FGD1: variants seen among roughly 807,000 people sequenced by gnomAD.
FGD1 encodes FYVE, RhoGEF and PH domain-containing protein 1.
FGD1 carries 12 observed loss-of-function variants against 65.0 expected under a neutral mutation model. The observed-to-expected ratio is 0.18, with a 90% CI of 0.12 to 0.30. The LOEUF is 0.30. Ranked by LOEUF, FGD1 falls within the 10% of genes least tolerant of loss-of-function variation. The pLI, the probability that FGD1 is intolerant of heterozygous loss-of-function variation, is 1.00. For synonymous variants in FGD1, 333 were observed against 343.9 expected, an observed-to-expected ratio of 0.97 and a Z score of 0.35; for missense variants, 542 against 837.6, an observed-to-expected ratio of 0.65 and a Z score of 4.36.
intron 1 of FGD1, among the ~76,000 whole-genome samples, chrX:54,494,117 T>G (rs1330859129): frequency 8.9e-6 from 1 of 112,720 alleles, no homozygotes; most frequent in Non-Finnish European, 1.9e-5. Context: ...CAGCCTGACT[T>G]AAAGCTGCTC....
In FGD1 at chrX:54,465,501, T is replaced by C; in HGVS notation, c.1586A>G (p.Asp529Gly). 1 of 1,210,596 alleles carries C rather than the reference T, an allele frequency of 8.3e-7. No individual in the cohort carries two copies. Among genetic ancestry groups the C allele is most frequent in the Non-Finnish European group, 1.1e-6 (1 of 895,140 alleles). Residue 529 changes from aspartate (D) to glycine (G), a missense_variant, in exon 8 of 18, where the codon GAC becomes GGC. Asp to Gly is a moderately conservative substitution (Grantham distance 94, BLOSUM62 -1). This residue lies in a region of FGD1 where 41 missense variants were observed against 109.5 expected (regional missense o/e 0.37). Transcript: ENST00000375135. ...RIPRYELLLK[D>G]YLLKLPHGSP... ...GCCATGGGGCAGCTTTAACAGATAG[T>C]CCTTGAGAAGAAGCTCATAGCGGGG...
Position 54,470,754 on chromosome X carries a change from G to T in FGD1, c.488C>A (p.Pro163Gln). The T allele has an allele frequency of 9.2e-7, 1 of 1,086,992 alleles. No individual in the cohort carries two copies. The highest frequency in any genetic ancestry group is 1.2e-6 in the Non-Finnish European group (1 of 803,205). The allele number at this position is 1,086,992 out of a possible 1,213,427, so 89.6% of individuals were successfully genotyped here. A position where few individuals can be genotyped will look rare whatever the true frequency, so the allele number is the denominator to read the frequency against. ...GGGCATCTGCAGGTAGCTGGGCTTT[G>T]GGGGCACTGGAGAGACGAATGGGGA... ...RAPGPKPQVP[P>Q]KPSYLQMPRM... The change falls in exon 3 of 18, where the codon CCA becomes CAA. Residue 163 changes from proline (P) to glutamine (Q), a missense_variant. Physicochemically the swap from Pro to Gln is moderately conservative, Grantham distance 76. Transcript: ENST00000375135.
chrX:54,478,043 G>A (rs1001180519), intron 1 of FGD1, among the ~76,000 whole-genome samples: 9 of 111,003 alleles, frequency 8.1e-5, no homozygotes, highest in African/African-American at 2.3e-4. Flanking sequence ...GCTTGAACCC[G>A]GGAGGCGGAG....
chrX:54,446,617 TC>T (rs775973370), intron 17 of FGD1, among the ~76,000 whole-genome samples: 78 of 107,686 alleles, frequency 7.2e-4, no homozygotes, highest in Middle Eastern at 4.9e-3. Context: ...AATACCTGTC[TC>T]CCCCCACCCC....
chrX:54,449,181 T>C lies in FGD1; in HGVS notation c.2236A>G (p.Ile746Val). 1 of 1,212,006 alleles carries C rather than the reference T, an allele frequency of 8.3e-7. No individual in the cohort carries two copies. Among genetic ancestry groups the C allele is most frequent in the Non-Finnish European group, 1.1e-6 (1 of 895,486 alleles). ...CMRCQEPFNSITKRRHHCKAC... is the reference protein window; with the variant it reads ...CMRCQEPFNSVTKRRHHCKAC... ...TTGCAGTGGTGCCTGCGTTTGGTGA[T>C]AGAATTGAAGGGCTCCTGGCAGCGC... The change falls in exon 15 of 18, where the codon ATC becomes GTC. Residue 746 changes from isoleucine (I) to valine (V), a missense_variant. Ile to Val is a conservative substitution (Grantham distance 29, BLOSUM62 3). This residue lies in a region of FGD1 where 182 missense variants were observed against 311.4 expected (regional missense o/e 0.58). Transcript: ENST00000375135.
chrX:54,490,110 C>T (rs1386234729), intron 1 of FGD1, among the ~76,000 whole-genome samples: 1 of 111,974 alleles, frequency 8.9e-6, no homozygotes, highest in Admixed American at 9.5e-5. Flanking sequence ...CATGTTCTCA[C>T]TTATAAATGG....
intron 8 of FGD1, among the ~76,000 whole-genome samples, chrX:54,462,683 C>T (rs1422226708): frequency 4.6e-5 from 5 of 109,176 alleles, no homozygotes; most frequent in Non-Finnish European, 7.6e-5. Context: ...TGAGCCACCA[C>T]GCCCGGCCTC....
chrX:54,495,085 C>T (rs1486125194), intron 1 of FGD1, 41 bp downstream of exon 1: 1 of 1,150,340 alleles, frequency 8.7e-7, no homozygotes, highest in East Asian at 3.2e-5. Context: ...AGTACCAGGC[C>T]CGTGGCCCGG....
chrX:54,459,075 C>G (rs1922572654), intron 8 of FGD1, among the ~76,000 whole-genome samples: 1 of 111,207 alleles, frequency 9.0e-6, no homozygotes, highest in Non-Finnish European at 1.9e-5. Context: ...ACATCTCCCC[C>G]ACCCCAAGGC....
chrX:54,449,169 T>G lies in FGD1; in HGVS notation c.2248A>C (p.Arg750=), dbSNP rs1392804320. The change falls in exon 15 of 18, where the codon AGG becomes CGG. Residue 750 remains arginine, a synonymous_variant. Coordinates refer to ENST00000375135, the MANE Select transcript of FGD1 (RefSeq NM_004463.3). ...TGCCCGCAGGCCTTGCAGTGGTGCCTGCGTTTGGTGATAGAATTGAAGGGC... is the reference window on the plus strand; with the variant it reads ...TGCCCGCAGGCCTTGCAGTGGTGCCGGCGTTTGGTGATAGAATTGAAGGGC... ...QEPFNSITKR[R]HHCKACGHVV... 8.3e-7 allele frequency: 1 copy of G among 1,210,449 alleles called. No homozygotes were observed.
chrX:54,490,512 A>G lies in FGD1; in HGVS notation c.307+4614T>C, dbSNP rs781108710. 2.7e-5 allele frequency among the ~76,000 whole-genome samples: 3 copies of G among 111,942 alleles called. No individual in the cohort carries two copies. The South Asian group carries it at 1.1e-3, about 42-fold the overall frequency. The stretch of plus-strand genomic sequence containing the variant: ...TTGAACATATAGTATGATTTCAATT[A>G]TGTAAAATATACGTCAATATGTAGA... On this transcript the variant is annotated intron_variant, in intron 1 of 17. Transcript: ENST00000375135.
At position 54,447,347 on chromosome X, in the gene FGD1, A is replaced by G. The variant is rs538442134; in HGVS notation, c.2544T>C (p.Asn848=). The G allele has an allele frequency of 8.3e-7, 1 of 1,211,628 alleles. No homozygotes were observed. The change falls in exon 17 of 18, where the codon AAT becomes AAC. Residue 848 remains asparagine, a synonymous_variant. Coordinates refer to ENST00000375135, the MANE Select transcript of FGD1 (RefSeq NM_004463.3). ...CGTAGATATACAGCACCAAGGGTTC[A>G]TTTTCAGGGACCACGAACCATGCCT... ...WHKAWFVVPE[N]EPLVLYIYGA... is the part of the protein sequence containing the mutation.
intron 8 of FGD1, among the ~76,000 whole-genome samples, chrX:54,461,516 G>T (rs1474172939): frequency 1.0e-5 from 1 of 99,775 alleles, no homozygotes; most frequent in African/African-American, 3.7e-5. Flanking sequence ...CTGCAGAATC[G>T]CTAGAACCAG....
intron 12 of FGD1, among the ~76,000 whole-genome samples, chrX:54,452,255 A>T (rs1922394261): frequency 1.1e-5 from 1 of 87,970 alleles, no homozygotes; most frequent in African/African-American, 4.8e-5. Context: ...TGACAGGGAG[A>T]GACCCTATCT....
At chrX:54,452,459 A>G (rs1403789852) in intron 12 of FGD1, among the ~76,000 whole-genome samples, 3 of 108,836 alleles carry the variant, frequency 2.8e-5, no homozygotes, top group Non-Finnish European at 5.7e-5. Context: ...CATTAAAATC[A>G]CCTAGGGACC....
At chrX:54,491,239 G>A (rs1377348459) in intron 1 of FGD1, among the ~76,000 whole-genome samples, 1 of 111,521 alleles carries the variant, frequency 9.0e-6, no homozygotes, top group Non-Finnish European at 1.9e-5. Flanking sequence ...CACCCCTCTA[G>A]AACCCTTCCT....
rs771910311 is a variant in FGD1 at position 54,484,304 on chromosome X, G to A, written c.307+10822C>T. Among the ~76,000 whole-genome samples, 3 of 108,634 alleles carry A rather than the reference G, an allele frequency of 2.8e-5. No individual in the cohort carries two copies. In the South Asian group the frequency reaches 1.2e-3, roughly 45 times the overall value. The allele number at this position is 108,634 out of a possible 115,157, so 94.3% of individuals were successfully genotyped here. On this transcript the variant is annotated intron_variant, in intron 1 of 17. Coordinates refer to ENST00000375135, the MANE Select transcript of FGD1 (RefSeq NM_004463.3). ...ACCCTCATGTGTTCTTGCAGCATCTGCACTTGGAATTGCTTGTAGTGTGTC... is the reference window on the plus strand; with the variant it reads ...ACCCTCATGTGTTCTTGCAGCATCTACACTTGGAATTGCTTGTAGTGTGTC...
chrX:54,491,585 A>G (rs1243710959), intron 1 of FGD1, among the ~76,000 whole-genome samples: 2 of 110,994 alleles, frequency 1.8e-5, no homozygotes, highest in African/African-American at 6.6e-5. Context: ...AAAAATCACT[A>G]CCTCTCTGAG....
At chrX:54,481,370 T>G (rs1923138238) in intron 1 of FGD1, among the ~76,000 whole-genome samples, 1 of 104,588 alleles carries the variant, frequency 9.6e-6, no homozygotes, top group Non-Finnish European at 1.9e-5. Flanking sequence ...AGCTGTTCAC[T>G]TTTTAGTAGA....
Sources: gnomAD v4.1 joint callset for allele counts (sites outside exome capture counted in the v4.1 genomes callset) on GRCh38, gnomAD v4.1.1 for gene constraint, gnomAD v4.1.1 regional missense constraint, MANE v1.5 for transcripts, NCBI Gene and HGNC (gene_info 2026-07-23, HGNC 2026-07-21) for gene names.